The following VAMP7 variants were observed in gnomAD, a reference collection of about 807,000 sequenced individuals.
VAMP7 encodes the protein vesicle associated membrane protein 7.
In VAMP7, 14 loss-of-function variants were observed where a neutral mutation model predicts 29.6. That is an observed-to-expected ratio of 0.47 (90% CI 0.31 to 0.74). The LOEUF is 0.74. Ranked by LOEUF, VAMP7 falls within the 30% of genes least tolerant of loss-of-function variation. The pLI, the probability that VAMP7 is intolerant of heterozygous loss-of-function variation, is 0.05. For missense variants in VAMP7, 223 were observed against 262.4 expected (o/e 0.85, Z 1.04); for synonymous variants, 95 against 88.1 (o/e 1.08, Z -0.44).
intron 5 of VAMP7, among the ~76,000 whole-genome samples, chrX:155,902,025 C>G (rs201612319): frequency 5.9e-5 from 9 of 152,014 alleles, no homozygotes; most frequent in Admixed American, 3.9e-4. Flanking sequence ...TCTTCCATTT[C>G]TTTGTATCCT....
chrX:155,926,677 G>A (rs1403005983), intron 6 of VAMP7, among the ~76,000 whole-genome samples: 1 of 152,168 alleles, frequency 6.6e-6, no homozygotes, highest in African/African-American at 2.4e-5. Flanking sequence ...ACTGTTCTTT[G>A]CATTCACAAT....
chrX:155,901,664 C>G (rs975397206), intron 5 of VAMP7, among the ~76,000 whole-genome samples: 7 of 152,064 alleles, frequency 4.6e-5, no homozygotes, highest in Non-Finnish European at 7.4e-5. Context: ...TTAGGTTTGT[C>G]AAAGATCAGA....
intron 4 of VAMP7, among the ~76,000 whole-genome samples, chrX:155,898,565 C>T (rs1475119744): frequency 2.0e-5 from 3 of 152,120 alleles, no homozygotes; most frequent in East Asian, 1.9e-4. Flanking sequence ...TTAAACTATA[C>T]GTAAACCTTC....
In VAMP7 at chrX:155,939,709, C is replaced by T; in HGVS notation, c.510C>T (p.Thr170=). ...TCTCGCCTCTTTTCTAGTCTGTCAC[C>T]TTCAAAACTACCAGCAGAAATCTTG... ...KTENLVDSSV[T]FKTTSRNLAR... is the part of the protein sequence containing the mutation. The change falls in exon 7 of 8, where the codon ACC becomes ACT. Residue 170 remains threonine, a synonymous_variant. Transcript: ENST00000286448. 1 of 1,613,716 alleles carries T rather than the reference C, an allele frequency of 6.2e-7. No individual in the cohort carries two copies.
intron 6 of VAMP7, among the ~76,000 whole-genome samples, chrX:155,931,346 G>A (rs77718412): frequency 2.5e-4 from 38 of 152,168 alleles, no homozygotes; most frequent in South Asian, 1.5e-3. Flanking sequence ...AAGTGTTCCT[G>A]TTTCTCCACA....
chrX:155,932,851 G>A (rs1411644229), intron 6 of VAMP7, among the ~76,000 whole-genome samples: 1 of 151,870 alleles, frequency 6.6e-6, no homozygotes, highest in African/African-American at 2.4e-5. Context: ...GTTTGTCATA[G>A]CTCTTATTAT....
At chrX:155,931,797 A>G (rs1329442070) in intron 6 of VAMP7, among the ~76,000 whole-genome samples, 46 of 152,172 alleles carry the variant, frequency 3.0e-4, no homozygotes, top group Admixed American at 2.9e-3. Flanking sequence ...CTATGTCCTC[A>G]ATGGTATTAC....
chrX:155,930,771 T>A (rs770772216), intron 6 of VAMP7, among the ~76,000 whole-genome samples: 11 of 152,188 alleles, frequency 7.2e-5, no homozygotes, highest in Non-Finnish European at 1.6e-4. Flanking sequence ...GCAGGTTTGT[T>A]ACATATGTAA....
intron 2 of VAMP7, 103 bp from the exon 3 acceptor site, chrX:155,895,517 TATG>T (rs2065975635): frequency 1.4e-6 from 1 of 735,042 alleles, no homozygotes; most frequent in Admixed American, 2.1e-5. Context: ...CCGTAAGTAA[TATG>T]GTGACATTGG....
At chrX:155,896,270 G>T (rs1234475721) in intron 3 of VAMP7, among the ~76,000 whole-genome samples, 1 of 152,092 alleles carries the variant, frequency 6.6e-6, no homozygotes, top group African/African-American at 2.4e-5. Flanking sequence ...ATTCTATTTT[G>T]TAGTGAGAAT....
chrX:155,925,655 C>T (rs767139090), intron 6 of VAMP7, among the ~76,000 whole-genome samples: 2 of 152,266 alleles, frequency 1.3e-5, no homozygotes, highest in Admixed American at 1.3e-4. Context: ...CGGGAAGGCT[C>T]GAAGTGGGGA....
chrX:155,928,792 A>G (rs1348425240), intron 6 of VAMP7, among the ~76,000 whole-genome samples: 1 of 152,208 alleles, frequency 6.6e-6, no homozygotes, highest in Non-Finnish European at 1.5e-5. Flanking sequence ...TGTTTTAAAC[A>G]GATGGTTTGT....
chrX:155,917,602 C>G (rs1360404102), intron 5 of VAMP7, among the ~76,000 whole-genome samples: 2 of 152,144 alleles, frequency 1.3e-5, no homozygotes, highest in African/African-American at 4.8e-5. Flanking sequence ...GAGGTCCACT[C>G]CAGACCCAGT....
intron 5 of VAMP7, among the ~76,000 whole-genome samples, chrX:155,917,873 C>G (rs2066335684): frequency 6.6e-6 from 1 of 152,146 alleles, no homozygotes; most frequent in Admixed American, 6.5e-5. Context: ...AACTGGCAGG[C>G]AGGAACGTTT....
At chrX:155,924,635 G>A (rs990934123) in intron 6 of VAMP7, among the ~76,000 whole-genome samples, 8 of 152,158 alleles carry the variant, frequency 5.3e-5, no homozygotes, top group African/African-American at 9.7e-5. Flanking sequence ...CCTTCAGTGA[G>A]CCTTAATCTT....
At chrX:155,907,480 C>G (rs373662322) in intron 5 of VAMP7, among the ~76,000 whole-genome samples, 26 of 149,586 alleles carry the variant, frequency 1.7e-4, no homozygotes, top group East Asian at 4.0e-4. Context: ...TGACTCTTAA[C>G]GAGCATGCTG....
rs2066749503 is a variant in VAMP7 at position 155,941,933 on chromosome X, A to T, written c.645A>T (p.Pro215=). 1.9e-6 allele frequency: 3 copies of T among 1,613,800 alleles called. No homozygotes were observed. Among genetic ancestry groups the T allele is most frequent in the East Asian group, 4.5e-5 (2 of 44,868 alleles). The change falls in exon 8 of 8, where the codon CCA becomes CCT. Residue 215 remains proline, a synonymous_variant. Coordinates refer to ENST00000286448, the MANE Select transcript of VAMP7 (RefSeq NM_005638.6). Reference sequence around the variant, plus strand: ...CTCTCTGTGGTGGATTTACATGGCCAAGCTGTGTGAAGAAATAGGAAAGAA... The same window carrying T: ...CTCTCTGTGGTGGATTTACATGGCCTAGCTGTGTGAAGAAATAGGAAAGAA... ...VSPLCGGFTW[P]SCVKK
At chrX:155,889,278 A>G (rs2065899663) in intron 1 of VAMP7, among the ~76,000 whole-genome samples, 180 bp from the exon 2 acceptor site, 1 of 152,048 alleles carries the variant, frequency 6.6e-6, no homozygotes, top group Non-Finnish European at 1.5e-5. Context: ...TTAGGTTGTA[A>G]GTTTGTAGAA....
chrX:155,912,888 G>A (rs1338494827), intron 5 of VAMP7, among the ~76,000 whole-genome samples: 1 of 152,160 alleles, frequency 6.6e-6, no homozygotes, highest in Non-Finnish European at 1.5e-5. Context: ...TAATGGGATT[G>A]CTGGGTCAAA....
Sources: gnomAD v4.1 joint callset for allele counts (sites outside exome capture counted in the v4.1 genomes callset) on GRCh38, gnomAD v4.1.1 for gene constraint, MANE v1.5 for transcripts, NCBI Gene and HGNC (gene_info 2026-07-23, HGNC 2026-07-21) for gene names.